Variants in HTR2A observed in about 807,000 individuals in gnomAD.
The protein encoded by HTR2A is 5-hydroxytryptamine receptor 2A.
A neutral mutation model predicts 31.0 loss-of-function variants in HTR2A; 14 were observed. The observed-to-expected ratio is 0.45, with a 90% CI of 0.30 to 0.71. The LOEUF (loss-of-function observed/expected upper bound fraction) is 0.71. Among genes scored for constraint, HTR2A ranks in the 30% least tolerant of loss-of-function variants. The pLI is 0.09. For synonymous variants in HTR2A, 209 were observed against 225.2 expected (o/e 0.93, Z 0.64); for missense variants, 442 against 573.3 (o/e 0.77, Z 2.34).
intron 3 of HTR2A, among the ~76,000 whole-genome samples, chr13:46,861,012 T>A (rs1166885955): frequency 6.6e-6 from 1 of 152,210 alleles, no homozygotes; most frequent in African/African-American, 2.4e-5. Context: ...ACTGAAAAGG[T>A]TGATTACTTA....
At position 46,851,529 on chromosome 13, in the gene HTR2A, C is replaced by T. The variant is rs114178701; in HGVS notation, c.614-15890G>A. Reference sequence around the variant, plus strand: ...GTCAGACCAAAAGAACACTTTCGCACGGAATATTTATATAATGGAAACAGG... The same window carrying T: ...GTCAGACCAAAAGAACACTTTCGCATGGAATATTTATATAATGGAAACAGG... On this transcript the variant is annotated intron_variant, in intron 3 of 3. Coordinates refer to ENST00000542664, the MANE Select transcript of HTR2A (RefSeq NM_000621.5). 9.0e-4 allele frequency among the ~76,000 whole-genome samples: 137 copies of T among 152,220 alleles called. 1 individual carries two copies. Among genetic ancestry groups the T allele is most frequent in the African/African-American group, 3.2e-3 (131 of 41,518 alleles).
Position 46,835,186 on chromosome 13 carries a change from T to G in HTR2A, c.1067A>C (p.Asp356Ala). 1 of 1,614,026 alleles carries G rather than the reference T, an allele frequency of 6.2e-7. No individual in the cohort carries two copies. Among genetic ancestry groups the G allele is most frequent in the Non-Finnish European group, 8.5e-7 (1 of 1,179,940 alleles). ...AVICKESCNE[D>A]VIGALLNVFV... Reference sequence around the variant, plus strand: ...CACATTGAGCAGGGCCCCAATGACATCCTCATTGCAGGACTCTTTGCAGAT... The same window carrying G: ...CACATTGAGCAGGGCCCCAATGACAGCCTCATTGCAGGACTCTTTGCAGAT... The change falls in exon 4 of 4, where the codon GAT becomes GCT. Residue 356 changes from aspartate (D) to alanine (A), a missense_variant. Physicochemically the swap from Asp to Ala is moderately radical, Grantham distance 126 (BLOSUM62 -2). This residue lies in a region of HTR2A where 174 missense variants were observed against 195.1 expected (regional missense o/e 0.89). Transcript: ENST00000542664.
chr13:46,845,783 A>G (rs1257361352), intron 3 of HTR2A, among the ~76,000 whole-genome samples: 1 of 152,196 alleles, frequency 6.6e-6, no homozygotes, highest in Non-Finnish European at 1.5e-5. Context: ...TCCTCTGGAA[A>G]ACTCTCTACC....
At chr13:46,839,765 A>T (rs1950584559) in intron 3 of HTR2A, among the ~76,000 whole-genome samples, 1 of 152,184 alleles carries the variant, frequency 6.6e-6, no homozygotes, top group Non-Finnish European at 1.5e-5. Flanking sequence ...GACACCTAAG[A>T]ACACAAAAGC....
At chr13:46,867,131 G>A (rs959402619) in intron 3 of HTR2A, among the ~76,000 whole-genome samples, 2 of 152,172 alleles carry the variant, frequency 1.3e-5, no homozygotes, top group African/African-American at 2.4e-5. Context: ...GCCTCACTGA[G>A]AAATAGACAT....
chr13:46,857,277 G>A lies in HTR2A; in HGVS notation c.614-21638C>T, dbSNP rs188363927. ...TCATACCACTGCACTCCAGCCTGGT[G>A]ACAGAGCAAGACTCCATCTTAAAAA... On this transcript the variant is annotated intron_variant, in intron 3 of 3. Transcript: ENST00000542664. Among the ~76,000 whole-genome samples the A allele has an allele frequency of 3.9e-3, 576 of 147,712 alleles. 9 individuals are homozygous for A. Among genetic ancestry groups the A allele is most frequent in the Admixed American group, 0.035 (522 of 14,826 alleles).
intron 3 of HTR2A, among the ~76,000 whole-genome samples, chr13:46,842,133 C>G (rs1208006904): frequency 6.6e-6 from 1 of 152,132 alleles, no homozygotes; most frequent in East Asian, 1.9e-4. Flanking sequence ...AAATAAAACT[C>G]TTCAATGCCA....
chr13:46,858,384 C>T (rs1415598803), intron 3 of HTR2A, among the ~76,000 whole-genome samples: 1 of 151,916 alleles, frequency 6.6e-6, no homozygotes, highest in Non-Finnish European at 1.5e-5. Flanking sequence ...GCAGGAAATG[C>T]TTGGAAGCTG....
At position 46,892,463 on chromosome 13, in the gene HTR2A, G is replaced by A; in HGVS notation, c.540C>T (p.Pro180=). The change falls in exon 3 of 4, where the codon CCC becomes CCT. Residue 180 remains proline, a synonymous_variant. Transcript: ENST00000542664. ...TGGAGTTGAAGCGGCTGTGGTGGAT[G>A]GGATTCTGGATGGCGACGTAGCGGT... ...SLDRYVAIQN[P]IHHSRFNSRT... The A allele has an allele frequency of 6.2e-7, 1 of 1,614,246 alleles. No homozygotes were observed. Among genetic ancestry groups the A allele is most frequent in the Non-Finnish European group, 8.5e-7 (1 of 1,180,044 alleles).
At chr13:46,860,602 G>T (rs1175440961) in intron 3 of HTR2A, among the ~76,000 whole-genome samples, 1 of 152,186 alleles carries the variant, frequency 6.6e-6, no homozygotes, top group South Asian at 2.1e-4. Flanking sequence ...GAGATCCTGG[G>T]TGAGACTCCA....
chr13:46,891,072 C>T (rs1350896267), intron 3 of HTR2A, among the ~76,000 whole-genome samples: 2 of 152,192 alleles, frequency 1.3e-5, no homozygotes, highest in Non-Finnish European at 2.9e-5. Context: ...GGGCATGGTG[C>T]TGGAAGTTTA....
chr13:46,860,323 G>T (rs971379683), intron 3 of HTR2A, among the ~76,000 whole-genome samples: 1 of 152,134 alleles, frequency 6.6e-6, no homozygotes, highest in Non-Finnish European at 1.5e-5. Flanking sequence ...GAGTAACATA[G>T]GAAAAGATCC....
At chr13:46,888,086 C>CAAAAAAAAAAA (rs10666389) in intron 3 of HTR2A, among the ~76,000 whole-genome samples, 1 of 148,932 alleles carries the variant, frequency 6.7e-6, no homozygotes. Flanking sequence ...AAGAACAAAG[C>CAAAAAAAAAAA]AAAAAAAAAA....
chr13:46,875,991 T>C (rs1950907093), intron 3 of HTR2A, among the ~76,000 whole-genome samples: 1 of 152,228 alleles, frequency 6.6e-6, no homozygotes, highest in African/African-American at 2.4e-5. Context: ...GACATTCTGA[T>C]TTTAGAAAAC....
chr13:46,876,741 C>G (rs992689197), intron 3 of HTR2A, among the ~76,000 whole-genome samples: 1 of 151,994 alleles, frequency 6.6e-6, no homozygotes, highest in Admixed American at 6.6e-5. Flanking sequence ...AACAAAAGTT[C>G]GTGAGAATAT....
intron 3 of HTR2A, among the ~76,000 whole-genome samples, chr13:46,879,963 C>T (rs1339118164): frequency 6.6e-6 from 1 of 152,092 alleles, no homozygotes; most frequent in African/African-American, 2.4e-5. Context: ...CATGATCACA[C>T]CCCTGCACTC....
chr13:46,873,033 C>T (rs2405864), intron 3 of HTR2A, among the ~76,000 whole-genome samples: 14 of 152,304 alleles, frequency 9.2e-5, no homozygotes, highest in East Asian at 3.9e-4. Flanking sequence ...CCACCGCACC[C>T]GGCCACTGCC....
At chr13:46,886,270 G>T (rs1256476252) in intron 3 of HTR2A, among the ~76,000 whole-genome samples, 2 of 152,236 alleles carry the variant, frequency 1.3e-5, no homozygotes, top group Middle Eastern at 3.4e-3. Flanking sequence ...GTAATCATAA[G>T]AGCAATGGAA....
intron 3 of HTR2A, among the ~76,000 whole-genome samples, chr13:46,846,459 T>C (rs899490277): frequency 2.6e-5 from 4 of 152,206 alleles, no homozygotes; most frequent in Non-Finnish European, 5.9e-5. Context: ...ATCATCTTTA[T>C]ATTTAGTTTA....
Sources: gnomAD v4.1 joint callset for allele counts (sites outside exome capture counted in the v4.1 genomes callset) on GRCh38, gnomAD v4.1.1 for gene constraint, gnomAD v4.1.1 regional missense constraint, MANE v1.5 for transcripts, NCBI Gene and HGNC (gene_info 2026-07-23, HGNC 2026-07-21) for gene names.